Variants in DAPK3 observed in about 807,000 individuals in gnomAD.
DAPK3 encodes the protein death associated protein kinase 3, also known as death-associated protein kinase 3.
DAPK3 carries 24 observed loss-of-function variants against 30.6 expected under a neutral mutation model. The observed-to-expected ratio is 0.78, with a 90% confidence interval of 0.57 to 1.10. The LOEUF is 1.10. Ranked by LOEUF, DAPK3 falls within the 50% of genes least tolerant of loss-of-function variation. The probability of loss-of-function intolerance (pLI) is 0.00; values close to 1 mark genes in which losing one functional copy is unlikely to be tolerated. For missense variants in DAPK3, 629 were observed against 657.3 expected (o/e 0.96, Z 0.47); for synonymous variants, 341 against 284.0 (o/e 1.20, Z -2.02).
chr19:3,964,305 G>A lies in DAPK3; in HGVS notation c.492C>T (p.Ile164=), dbSNP rs756781155. The change falls in exon 4 of 9, where the codon ATC becomes ATT. Residue 164 remains isoleucine (I), a synonymous_variant. Coordinates refer to ENST00000545797, the MANE Select transcript of DAPK3 (RefSeq NM_001348.3). The part of the protein sequence containing the change: ...NPRIKLIDFG[I]AHKIEAGNEF... ...CGTTCCCCGCCTCGATCTTGTGCGC[G>A]ATGCCGAAGTCGATGAGCTTGATTC... The A allele has an allele frequency of 3.1e-6, 5 of 1,613,246 alleles. No homozygotes were observed. The highest frequency in any genetic ancestry group is 2.7e-5 in the African/African-American group (2 of 74,892).
chr19:3,959,222 C>T lies in DAPK3; in HGVS notation c.1244G>A (p.Arg415His), dbSNP rs754551409. 1.9e-6 allele frequency: 3 copies of T among 1,600,116 alleles called. No homozygotes were observed. Among genetic ancestry groups the T allele is most frequent in the African/African-American group, 2.7e-5 (2 of 74,840 alleles). ...CAGCGCCTCGTAGCGGTTCTCCAGG[C>T]GGCTGAAGCGGCGCTTGAGGCCGCT... ...GTSGLKRRFS[R>H]LENRYEALAK... Residue 415 changes from arginine (R) to histidine (H), a missense_variant, in exon 9 of 9, where the codon CGC becomes CAC. Around this residue, in one of 2 missense-constraint regions of DAPK3, gnomAD observed 323 missense variants for 278.8 expected, o/e 1.16. Coordinates refer to ENST00000545797, the MANE Select transcript of DAPK3 (RefSeq NM_001348.3).
At position 3,959,595 on chromosome 19, in the gene DAPK3, T is replaced by G. The variant is rs983531332; in HGVS notation, c.871A>C (p.Lys291Gln). The G allele has an allele frequency of 2.5e-6, 4 of 1,587,364 alleles. No homozygotes were observed. Among genetic ancestry groups the G allele is most frequent in the Admixed American group, 3.4e-5 (2 of 58,124 alleles). Reference protein sequence around the residue: ...RNVRGEDSGRKPERRRLKTTR... With the variant: ...RNVRGEDSGRQPERRRLKTTR... ...GTCTTCAGGCGCCGCCGCTCGGGCT[T>G]GCGGCCGCTGTCCTCACCACGCACG... The change falls in exon 9 of 9, where the codon AAG becomes CAG. Residue 291 changes from lysine (K) to glutamine (Q), a missense_variant. By Grantham distance (53) the Lys-to-Gln change is moderately conservative (BLOSUM62 1). Transcript: ENST00000545797.
intron 8 of DAPK3, 125 bp from the exon 9 acceptor site, chr19:3,959,762 G>A: frequency 8.8e-7 from 1 of 1,141,300 alleles, no homozygotes; most frequent in Non-Finnish European, 1.2e-6. Context: ...TCGTGACGGA[G>A]ACTGCCCAGC....
chr19:3,969,931 T>C, intron 1 of DAPK3, 102 bp from the exon 2 acceptor site: 1 of 578,442 alleles, frequency 1.7e-6, no homozygotes, highest in East Asian at 2.9e-5. Context: ...CTCCCACCTC[T>C]CCACTCTGAA....
chr19:3,961,546 C>T (rs1443071467), intron 6 of DAPK3: 1 of 492,840 alleles, frequency 2.0e-6, no homozygotes, highest in Non-Finnish European at 4.2e-6. Flanking sequence ...CAGTGAGAGG[C>T]CCCAACAGCG....
chr19:3,966,993 T>C (rs889841214), intron 2 of DAPK3, among the ~76,000 whole-genome samples: 1 of 151,994 alleles, frequency 6.6e-6, no homozygotes, highest in Non-Finnish European at 1.5e-5. Context: ...CTCTGTAACT[T>C]CCCCAGCCCC....
chr19:3,963,671 T>C lies in DAPK3; in HGVS notation c.603-2A>G. 10 of 1,536,752 alleles carry C rather than the reference T, an allele frequency of 6.5e-6. No homozygotes were observed. The highest frequency in any genetic ancestry group is 8.8e-6 in the Non-Finnish European group (10 of 1,142,352). On this transcript the variant is annotated splice_acceptor_variant, in intron 5 of 8. Coordinates refer to ENST00000545797, the MANE Select transcript of DAPK3 (RefSeq NM_001348.3). LOFTEE classifies it high-confidence loss of function. ...ATATAGGTGATGACACCGATGCTCC[T>C]GGGGACAGACAAGAGGCAAGGGTCA...
chr19:3,964,407 G>A lies in DAPK3; in HGVS notation c.424-34C>T, dbSNP rs372222455. 59 of 1,594,182 alleles carry A rather than the reference G, an allele frequency of 3.7e-5. No homozygotes were observed. In the African/African-American group the frequency reaches 5.4e-4, roughly 15 times the overall value. The stretch of plus-strand genomic sequence containing the variant: ...GGAGGAGGCTCAGCAGGGAAAGCAC[G>A]GGCCTCCCCCACCCTCACCCCCACG... On this transcript the variant is annotated intron_variant, in intron 3 of 8. Transcript: ENST00000545797.
intron 2 of DAPK3, among the ~76,000 whole-genome samples, 191 bp from the exon 3 acceptor site, chr19:3,965,182 A>G (rs2039564674): frequency 6.6e-6 from 1 of 152,114 alleles, no homozygotes; most frequent in Non-Finnish European, 1.5e-5. Context: ...AGCGCCCCAC[A>G]CCATCAGACG....
intron 6 of DAPK3, chr19:3,961,682 G>A (rs543606471): frequency 1.4e-5 from 5 of 362,346 alleles, no homozygotes; most frequent in South Asian, 6.0e-5. Context: ...GGACTCAGAC[G>A]CCTTCTGCAA....
Position 3,958,915 on chromosome 19 carries a change from C to G in DAPK3, c.*186G>C. 1.7e-6 allele frequency: 1 copy of G among 582,682 alleles called. No homozygotes were observed. The highest frequency in any genetic ancestry group is 3.0e-6 in the Non-Finnish European group (1 of 329,506). The allele number at this position is 582,682 out of a possible 1,614,324, so 36.1% of individuals were successfully genotyped here. A position where few individuals can be genotyped will look rare whatever the true frequency, so the allele number is the denominator to read the frequency against. On this transcript the variant is annotated 3_prime_UTR_variant, in exon 9 of 9. Transcript: ENST00000545797. Reference sequence around the variant, plus strand: ...GTGGAGGCTGTGTAGAGAAGCAGCCCCGTCCCACACCCACCCCTGCCTGCG... The same window carrying G: ...GTGGAGGCTGTGTAGAGAAGCAGCCGCGTCCCACACCCACCCCTGCCTGCG...
intron 2 of DAPK3, 68 bp from the exon 3 acceptor site, chr19:3,965,059 C>T (rs903355350): frequency 6.1e-5 from 49 of 808,144 alleles, no homozygotes; most frequent in Non-Finnish European, 9.2e-5. Flanking sequence ...TGGCTGGCTC[C>T]CCGTCACCTC....
chr19:3,969,675 T>C lies in DAPK3; in HGVS notation c.61A>G (p.Ser21Gly), dbSNP rs1471426710. The C allele has an allele frequency of 6.2e-7, 1 of 1,606,892 alleles. No homozygotes were observed. The highest frequency in any genetic ancestry group is 8.5e-7 in the Non-Finnish European group (1 of 1,174,316). Residue 21 changes from serine to glycine, a missense_variant and splice_region_variant, in exon 2 of 9, where the codon AGC becomes GGC. Physicochemically the swap from Ser to Gly is moderately conservative, Grantham distance 56. Transcript: ENST00000545797. Reference sequence around the variant, plus strand: ...CAGCCGTGCGGGCAGACAGCTCACCTGCCCAGCTCCTCCCCCATCTCATAA... The same window carrying C: ...CAGCCGTGCGGGCAGACAGCTCACCCGCCCAGCTCCTCCCCCATCTCATAA... ...DHYEMGEELGSGQFAIVRKCR... is the reference protein window; with the variant it reads ...DHYEMGEELGGGQFAIVRKCR...
chr19:3,959,675 G>C (rs1568189760), intron 8 of DAPK3, 38 bp from the exon 9 acceptor site: 1 of 1,507,528 alleles, frequency 6.6e-7, no homozygotes. Context: ...TCCCCGCGAT[G>C]CCACCCAGCC....
Position 3,964,693 on chromosome 19 carries a change from T to A in DAPK3, c.361A>T (p.Lys121Ter). ...LTEDEATQFL[K>*]QILDGVHYLH... ...TAGTGAACGCCGTCCAGGATCTGCT[T>A]GAGGAACTGGGTGGCCTCGTCCTCC... Residue 121 changes from lysine (K) to a stop codon, truncating the protein, a stop_gained, in exon 3 of 9, where the codon AAG (lysine) becomes TAG (stop). Coordinates refer to ENST00000545797, the MANE Select transcript of DAPK3 (RefSeq NM_001348.3). LOFTEE classifies it high-confidence loss of function. The A allele has an allele frequency of 6.2e-7, 1 of 1,612,136 alleles. No individual in the cohort carries two copies. The highest frequency in any genetic ancestry group is 8.5e-7 in the Non-Finnish European group (1 of 1,179,260).
chr19:3,963,836 CAGGG>C, intron 5 of DAPK3, 31 bp downstream of exon 5: 1 of 1,472,368 alleles, frequency 6.8e-7, no homozygotes, highest in East Asian at 2.3e-5. Flanking sequence ...TCCAGGAATG[CAGGG>C]AGGCCCGGTG....
At chr19:3,969,936 T>A in intron 1 of DAPK3, 107 bp from the exon 2 acceptor site, 1 of 575,876 alleles carries the variant, frequency 1.7e-6, no homozygotes. Flanking sequence ...ACCTCTCCAC[T>A]CTGAAGCTCC....
At position 3,959,008 on chromosome 19, in the gene DAPK3, C is replaced by A. The variant is rs981474547; in HGVS notation, c.*93G>T. ...CCTGGTGGCGCTGGGCAAGGACAGG[C>A]ACCCGGGCGATGGGAGGCGCAGCGT... On this transcript the variant is annotated 3_prime_UTR_variant, in exon 9 of 9. Coordinates refer to ENST00000545797, the MANE Select transcript of DAPK3 (RefSeq NM_001348.3). 3 of 817,312 alleles carry A rather than the reference C, an allele frequency of 3.7e-6. No homozygotes were observed. Among genetic ancestry groups the A allele is most frequent in the African/African-American group, 3.6e-5 (2 of 55,898 alleles). 50.6% of individuals were successfully genotyped at this position (817,312 alleles called of 1,614,324 possible).
chr19:3,970,270 T>G (rs151016526), intron 1 of DAPK3, among the ~76,000 whole-genome samples: 198 of 152,226 alleles, frequency 1.3e-3, no homozygotes, highest in South Asian at 7.0e-3. Flanking sequence ...GTTGTTGGTG[T>G]TGTTGTTTTT....
Sources: allele counts gnomAD v4.1 joint callset (sites outside exome capture counted in the v4.1 genomes callset), GRCh38; gene constraint gnomAD v4.1.1; regional missense constraint gnomAD v4.1.1; transcripts MANE v1.5; gene names NCBI Gene and HGNC (gene_info 2026-07-23, HGNC 2026-07-21).